The following NAALADL2 variants were observed in gnomAD, a reference collection of about 807,000 sequenced individuals.
The protein encoded by NAALADL2 is N-acetylated alpha-linked acidic dipeptidase like 2.
NAALADL2 carries 76 observed loss-of-function variants against 87.2 expected under a neutral mutation model. That is an observed-to-expected ratio of 0.87 (90% confidence interval 0.72 to 1.05). NAALADL2 has a LOEUF of 1.05. Among genes scored for constraint, NAALADL2 ranks in the 50% least tolerant of loss-of-function variants. The pLI, the probability that NAALADL2 is intolerant of heterozygous loss-of-function variation, is 0.00. For missense variants in NAALADL2, 1,089 were observed against 945.8 expected (o/e 1.15, Z -1.99); for synonymous variants, 354 against 331.0 (o/e 1.07, Z -0.75).
At chr3:175,140,892 G>A (rs1024809126) in intron 2 of NAALADL2, among the ~76,000 whole-genome samples, 1 of 152,146 alleles carries the variant, frequency 6.6e-6, no homozygotes, top group African/African-American at 2.4e-5. Flanking sequence ...TTACCCTTTT[G>A]CTTGGCAGTA....
At chr3:175,691,146 A>C (rs1736980443) in intron 11 of NAALADL2, among the ~76,000 whole-genome samples, 1 of 151,500 alleles carries the variant, frequency 6.6e-6, no homozygotes, top group South Asian at 2.1e-4. Context: ...TAGTAGTTTC[A>C]TAAGTAACAA....
chr3:174,874,454 T>G (rs978617645), intron 1 of NAALADL2, among the ~76,000 whole-genome samples: 1 of 152,132 alleles, frequency 6.6e-6, no homozygotes, highest in Non-Finnish European at 1.5e-5. Flanking sequence ...TTGCAGCAGG[T>G]GCACCTCAAA....
In NAALADL2 at chr3:175,327,148, C is replaced by CT. The variant is rs35198621; in HGVS notation, c.1090+2846dup. 9.0e-3 allele frequency among the ~76,000 whole-genome samples: 896 copies of CT among 99,476 alleles called. 8 individuals are homozygous for CT. The highest frequency in any genetic ancestry group is 0.021 in the Middle Eastern group (3 of 146). 65.3% of individuals were successfully genotyped at this position (99,476 alleles called of 152,430 possible). ...CCAGCTTTATCAACTGTCTACATTT[C>CT]TTTTTTTTTTTTTTTTTTTTTTTCT... is the stretch of plus-strand genomic sequence containing the variant. On this transcript the variant is annotated intron_variant, in intron 5 of 13. Coordinates refer to ENST00000454872, the MANE Select transcript of NAALADL2 (RefSeq NM_207015.3).
At chr3:175,662,589 A>AT (rs942601763) in intron 11 of NAALADL2, among the ~76,000 whole-genome samples, 2 of 151,818 alleles carry the variant, frequency 1.3e-5, no homozygotes, top group African/African-American at 2.4e-5. Context: ...AAAGGCTTTC[A>AT]TTTTTTTCCA....
chr3:175,603,760 C>T (rs114319895), intron 10 of NAALADL2, among the ~76,000 whole-genome samples: 1,932 of 152,050 alleles, frequency 0.013, 49 homozygotes, highest in African/African-American at 0.045. Context: ...CTGAGAATAA[C>T]GCTGCTGTGA....
At chr3:175,732,101 G>A (rs186033315) in intron 11 of NAALADL2, among the ~76,000 whole-genome samples, 129 of 152,262 alleles carry the variant, frequency 8.5e-4, no homozygotes, top group African/African-American at 2.9e-3. Context: ...CTGAAGTACA[G>A]CGTAATCAGA....
chr3:175,529,477 G>A (rs1733825799), intron 9 of NAALADL2, among the ~76,000 whole-genome samples: 1 of 152,124 alleles, frequency 6.6e-6, no homozygotes, highest in Non-Finnish European at 1.5e-5. Context: ...TTGATTCCTG[G>A]ACCTGTGAAT....
chr3:175,360,916 C>T (rs561998861), intron 5 of NAALADL2, among the ~76,000 whole-genome samples: 7 of 149,864 alleles, frequency 4.7e-5, no homozygotes, highest in African/African-American at 7.4e-5. Context: ...ATGTGTACAA[C>T]GTGCAGGTTT....
intron 2 of NAALADL2, among the ~76,000 whole-genome samples, chr3:174,578,993 A>G (rs1008524302): frequency 2.0e-5 from 3 of 152,032 alleles, no homozygotes; most frequent in African/African-American, 7.2e-5. Flanking sequence ...AAAGAAAAAT[A>G]TGCACATATA....
At chr3:175,434,057 G>C (rs982047348) in intron 5 of NAALADL2, among the ~76,000 whole-genome samples, 10 of 151,802 alleles carry the variant, frequency 6.6e-5, no homozygotes, top group Admixed American at 5.3e-4. Flanking sequence ...ATGTGACTAA[G>C]AGCAAAAATT....
intron 1 of NAALADL2, among the ~76,000 whole-genome samples, chr3:174,898,611 T>G (rs1020142000): frequency 1.8e-4 from 28 of 152,132 alleles, no homozygotes; most frequent in African/African-American, 6.5e-4. Flanking sequence ...ACATATCAGG[T>G]ACTGCATAAA....
chr3:175,460,257 G>A (rs879033438), intron 6 of NAALADL2: 112 of 450,728 alleles, frequency 2.5e-4, no homozygotes, highest in South Asian at 1.7e-3. Context: ...GCTGACTCTA[G>A]TGAAAATAAA....
intron 5 of NAALADL2, among the ~76,000 whole-genome samples, chr3:175,421,299 G>A (rs1715657694): frequency 1.3e-5 from 2 of 151,954 alleles, no homozygotes; most frequent in Admixed American, 1.3e-4. Flanking sequence ...TCACACAGCA[G>A]CAGTACCAGC....
intron 5 of NAALADL2, among the ~76,000 whole-genome samples, chr3:175,442,292 A>G (rs953368901): frequency 5.7e-5 from 4 of 70,198 alleles, no homozygotes; most frequent in Non-Finnish European, 1.1e-4. Context: ...CTTGTCACAC[A>G]TATAAAGTAT....
intron 4 of NAALADL2, among the ~76,000 whole-genome samples, chr3:175,312,288 T>A (rs1456658088): frequency 6.6e-6 from 1 of 152,218 alleles, no homozygotes; most frequent in Non-Finnish European, 1.5e-5. Context: ...ACCTATTTAA[T>A]TTGAATAAAT....
intron 2 of NAALADL2, among the ~76,000 whole-genome samples, chr3:174,590,187 A>G (rs1305968224): frequency 1.3e-5 from 2 of 151,772 alleles, no homozygotes; most frequent in Non-Finnish European, 2.9e-5. Flanking sequence ...CTGTACAGTT[A>G]TATGCAAAGT....
intron 2 of NAALADL2, among the ~76,000 whole-genome samples, chr3:175,192,265 C>T (rs1738319758): frequency 6.6e-6 from 1 of 151,966 alleles, no homozygotes; most frequent in Admixed American, 6.5e-5. Flanking sequence ...GTTTTCAAAG[C>T]AGTGTTTTAC....
intron 9 of NAALADL2, among the ~76,000 whole-genome samples, chr3:175,500,761 A>T (rs1458611340): frequency 6.6e-6 from 1 of 152,132 alleles, no homozygotes; most frequent in East Asian, 1.9e-4. Flanking sequence ...TAAGATACTT[A>T]AAAAAATGTA....
intron 1 of NAALADL2, among the ~76,000 whole-genome samples, chr3:174,956,884 G>C (rs2108535663): frequency 6.6e-6 from 1 of 152,134 alleles, no homozygotes; most frequent in Non-Finnish European, 1.5e-5. Context: ...TTTGCAGAAA[G>C]TCTCTATAAC....
Sources: allele counts gnomAD v4.1 joint callset (sites outside exome capture counted in the v4.1 genomes callset), GRCh38; gene constraint gnomAD v4.1.1; transcripts MANE v1.5; gene names NCBI Gene and HGNC (gene_info 2026-07-23, HGNC 2026-07-21).